Variants in RFX2 observed in about 807,000 individuals in gnomAD.
RFX2 encodes the protein regulatory factor X2.
A neutral mutation model predicts 87.8 loss-of-function variants in RFX2; 20 were observed. That is an observed-to-expected ratio of 0.23 (90% CI 0.16 to 0.33). The LOEUF (loss-of-function observed/expected upper bound fraction) is 0.33, where lower values mean the gene tolerates loss of function less well. Among genes scored for constraint, RFX2 ranks in the 10% least tolerant of loss-of-function variants. The pLI is 1.00. For missense variants in RFX2, 767 were observed against 1,012.3 expected (o/e 0.76, Z 3.29); for synonymous variants, 397 against 431.3 (o/e 0.92, Z 0.98).
intron 7 of RFX2, among the ~76,000 whole-genome samples, chr19:6,014,471 T>G (rs2086698712): frequency 6.6e-6 from 1 of 152,182 alleles, no homozygotes; most frequent in South Asian, 2.1e-4. Flanking sequence ...ACTCCTGACC[T>G]CAAGTGATCC....
At chr19:6,067,347 A>G (rs10409043) in intron 1 of RFX2, among the ~76,000 whole-genome samples, 2 of 152,198 alleles carry the variant, frequency 1.3e-5, no homozygotes, top group Non-Finnish European at 2.9e-5. Context: ...GGAACCACTG[A>G]CTCAGCGTCA....
intron 1 of RFX2, among the ~76,000 whole-genome samples, chr19:6,096,507 C>CA (rs1568195644): frequency 2.4e-4 from 37 of 152,172 alleles, no homozygotes; most frequent in Middle Eastern, 3.4e-3. Context: ...AGTGCAGTGG[C>CA]GCGATCTCGG....
At chr19:6,006,951 A>C in intron 12 of RFX2, 61 bp downstream of exon 12, 8 of 1,572,224 alleles carry the variant, frequency 5.1e-6, no homozygotes, top group Non-Finnish European at 7.0e-6. Context: ...CATGTAAGAA[A>C]GGACAGAGGA....
At chr19:6,086,909 G>A (rs923455607) in intron 1 of RFX2, among the ~76,000 whole-genome samples, 1 of 152,144 alleles carries the variant, frequency 6.6e-6, no homozygotes, top group African/African-American at 2.4e-5. Flanking sequence ...CTGTTCTTCT[G>A]AGGAGAAATT....
At position 6,046,474 on chromosome 19, in the gene RFX2, G is replaced by A. The variant is rs142104902; in HGVS notation, c.90+933C>T. Reference sequence around the variant, plus strand: ...TACACGCCTGTAATCCCAGCTACTCGGGAGGCTAAGACAGGAGAATCACTT... The same window carrying A: ...TACACGCCTGTAATCCCAGCTACTCAGGAGGCTAAGACAGGAGAATCACTT... On this transcript the variant is annotated intron_variant, in intron 2 of 17. Transcript: ENST00000303657. 9.6e-3 allele frequency among the ~76,000 whole-genome samples: 1,454 copies of A among 151,634 alleles called. 13 individuals carry two copies. Among genetic ancestry groups the A allele is most frequent in the Non-Finnish European group, 0.013 (888 of 67,864 alleles).
chr19:6,005,190 G>T (rs2086564335), intron 12 of RFX2, among the ~76,000 whole-genome samples: 2 of 152,186 alleles, frequency 1.3e-5, no homozygotes, highest in Admixed American at 1.3e-4. Context: ...CTCAGACGAG[G>T]CATTGCCCTG....
intron 1 of RFX2, among the ~76,000 whole-genome samples, chr19:6,069,442 C>A (rs937569857): frequency 1.3e-5 from 2 of 152,114 alleles, no homozygotes; most frequent in Admixed American, 1.3e-4. Context: ...TGAGCTAGAG[C>A]CACCAGTGTA....
At chr19:6,086,014 C>T (rs1466537739) in intron 1 of RFX2, among the ~76,000 whole-genome samples, 2 of 149,446 alleles carry the variant, frequency 1.3e-5, no homozygotes, top group Non-Finnish European at 3.0e-5. Flanking sequence ...ATCTCTTGAG[C>T]CCAGGAGGCC....
In RFX2 at chr19:5,994,815, G is replaced by T. The variant is rs745667893; in HGVS notation, c.*20C>A. On this transcript the variant is annotated 3_prime_UTR_variant, in exon 18 of 18. Coordinates refer to ENST00000303657, the MANE Select transcript of RFX2 (RefSeq NM_000635.4). ...CAGGCGGCATCTTTTGGAACCTCGAGGAGGCGCCGGCCGGGGCTGCTAGAT... is the reference window on the plus strand; with the variant it reads ...CAGGCGGCATCTTTTGGAACCTCGATGAGGCGCCGGCCGGGGCTGCTAGAT... 46 of 782,600 alleles carry T rather than the reference G, an allele frequency of 5.9e-5. No homozygotes were observed. The highest frequency in any genetic ancestry group is 8.0e-5 in the Non-Finnish European group (42 of 524,016). The allele number at this position is 782,600 out of a possible 1,614,324, so 48.5% of individuals were successfully genotyped here.
At position 6,001,605 on chromosome 19, in the gene RFX2, C is replaced by G. The variant is rs2086490220; in HGVS notation, c.1859+210G>C. On this transcript the variant is annotated intron_variant, in intron 15 of 17. Transcript: ENST00000303657. The surrounding 1 kb of genome is among the most constrained non-coding windows in gnomAD (Gnocchi z 5.6). ...AGAACTTGCAACTTAGTATTTAGGC[C>G]ACGGTGGCCTTCTGGGCCTGCCCCT... 6.6e-6 allele frequency among the ~76,000 whole-genome samples: 1 copy of G among 152,176 alleles called. No homozygotes were observed. The highest frequency in any genetic ancestry group is 1.5e-5 in the Non-Finnish European group (1 of 68,024).
At chr19:6,042,808 G>A (rs1237350442) in intron 3 of RFX2, among the ~76,000 whole-genome samples, 1 of 152,228 alleles carries the variant, frequency 6.6e-6, no homozygotes, top group Non-Finnish European at 1.5e-5. Context: ...AGGCCCCGAG[G>A]GACTCTAGTC....
chr19:6,017,470 C>T lies in RFX2; in HGVS notation c.598-1199G>A, dbSNP rs2086744772. ...CCTCTCCCTCTGCTATCGTCTGTCCCCTGATCCAGAGAGGTCTGCTATGTG... is the reference window on the plus strand; with the variant it reads ...CCTCTCCCTCTGCTATCGTCTGTCCTCTGATCCAGAGAGGTCTGCTATGTG... On this transcript the variant is annotated intron_variant, in intron 6 of 17. Transcript: ENST00000303657. This position sits in a 1 kb window ranked among gnomAD's most constrained non-coding sequence, Gnocchi z 4.1. Among the ~76,000 whole-genome samples, 1 of 152,232 alleles carries T rather than the reference C, an allele frequency of 6.6e-6. No individual in the cohort carries two copies. The highest frequency in any genetic ancestry group is 2.4e-5 in the African/African-American group (1 of 41,456).
intron 4 of RFX2, among the ~76,000 whole-genome samples, chr19:6,041,051 T>C (rs1225562244): frequency 2.0e-5 from 3 of 152,170 alleles, no homozygotes; most frequent in Non-Finnish European, 1.5e-5. Context: ...TTTACCCCAA[T>C]GTCAATTTCC....
At chr19:6,085,550 C>CA (rs1157175224) in intron 1 of RFX2, among the ~76,000 whole-genome samples, 2 of 152,104 alleles carry the variant, frequency 1.3e-5, no homozygotes, top group African/African-American at 4.8e-5. Context: ...CATTTTCTTC[C>CA]ATTCCTTGGG....
chr19:6,017,779 G>A lies in RFX2; in HGVS notation c.598-1508C>T, dbSNP rs1277472934. Among the ~76,000 whole-genome samples the A allele has an allele frequency of 6.6e-6, 1 of 152,000 alleles. No individual in the cohort carries two copies. Among genetic ancestry groups the A allele is most frequent in the South Asian group, 2.1e-4 (1 of 4,820 alleles). On this transcript the variant is annotated intron_variant, in intron 6 of 17. Transcript: ENST00000303657. The surrounding 1 kb of genome is among the most constrained non-coding windows in gnomAD (Gnocchi z 4.1). ...GGCTCCTGCACAGCCCTTGGCCTGGGAAGCCCTTGTCCCTGTGCCCCGCAC... is the reference window on the plus strand; with the variant it reads ...GGCTCCTGCACAGCCCTTGGCCTGGAAAGCCCTTGTCCCTGTGCCCCGCAC...
intron 6 of RFX2, among the ~76,000 whole-genome samples, chr19:6,018,532 G>A (rs957960891): frequency 1.3e-5 from 2 of 152,246 alleles, no homozygotes; most frequent in African/African-American, 4.8e-5. Context: ...GGTCTCTTAA[G>A]CCGAATTGCA....
intron 1 of RFX2, chr19:6,049,365 A>G (rs1288510285): frequency 6.6e-6 from 1 of 152,102 alleles, no homozygotes; most frequent in Non-Finnish European, 1.5e-5. Context: ...GGTGGAAATA[A>G]TTTTGCTCCA....
chr19:5,999,292 T>G lies in RFX2; in HGVS notation c.1860-2079A>C, dbSNP rs1026079758. ...AACAAGAGAATGAAGTGGAACAGTGTCTCGGTCTCCCTTGTGAAGAGCACC... is the reference window on the plus strand; with the variant it reads ...AACAAGAGAATGAAGTGGAACAGTGGCTCGGTCTCCCTTGTGAAGAGCACC... On this transcript the variant is annotated intron_variant, in intron 15 of 17. Coordinates refer to ENST00000303657, the MANE Select transcript of RFX2 (RefSeq NM_000635.4). This position sits in a 1 kb window ranked among gnomAD's most constrained non-coding sequence, Gnocchi z 4.1. Among the ~76,000 whole-genome samples the G allele has an allele frequency of 1.3e-5, 2 of 152,078 alleles. No individual in the cohort carries two copies. The highest frequency in any genetic ancestry group is 4.8e-5 in the African/African-American group (2 of 41,424).
chr19:6,048,621 G>A (rs1443774856), intron 1 of RFX2, among the ~76,000 whole-genome samples: 1 of 152,110 alleles, frequency 6.6e-6, no homozygotes, highest in African/African-American at 2.4e-5. Flanking sequence ...GACATACATC[G>A]CGGTGCCCAC....
Sources: gnomAD v4.1 joint callset for allele counts (sites outside exome capture counted in the v4.1 genomes callset) on GRCh38, gnomAD v4.1.1 for gene constraint, Gnocchi (gnomAD v3.1) non-coding constraint, MANE v1.5 for transcripts, NCBI Gene and HGNC (gene_info 2026-07-23, HGNC 2026-07-21) for gene names.